Variants in IFNAR2 observed in about 807,000 individuals in gnomAD.
IFNAR2 encodes the protein interferon alpha and beta receptor subunit 2, also known as interferon alpha/beta receptor 2.
Under a neutral mutation model 49.4 loss-of-function variants are expected in IFNAR2, and 30 were observed. The ratio of observed to expected loss-of-function variants is 0.61; its 90% CI spans 0.45 to 0.82. The LOEUF is 0.82. Among genes scored for constraint, IFNAR2 ranks in the 40% least tolerant of loss-of-function variants. The pLI, the probability that IFNAR2 is intolerant of heterozygous loss-of-function variation, is 0.00. For missense variants in IFNAR2, 600 were observed against 622.7 expected, an observed-to-expected ratio of 0.96 and a Z score of 0.39; for synonymous variants, 224 against 234.5, an observed-to-expected ratio of 0.96 and a Z score of 0.41.
In IFNAR2 at chr21:33,263,600, G is replaced by A. The variant is rs1988791422; in HGVS notation, c.*100G>A. 3 of 1,166,992 alleles carry A rather than the reference G, an allele frequency of 2.6e-6. No individual in the cohort carries two copies. Among genetic ancestry groups the A allele is most frequent in the Non-Finnish European group, 3.5e-6 (3 of 845,864 alleles). 72.3% of individuals were successfully genotyped at this position (1,166,992 alleles called of 1,614,324 possible). A position where few individuals can be genotyped will look rare whatever the true frequency, so the allele number is the denominator to read the frequency against. On this transcript the variant is annotated 3_prime_UTR_variant, in exon 9 of 9. Transcript: ENST00000342136. ...CTTATCGTCTGCAAGTGTTCTCCAA[G>A]GGAAGGAGGAGGAAACTGTGGTGTT...
intron 1 of IFNAR2, among the ~76,000 whole-genome samples, chr21:33,235,491 A>G (rs1363998235): frequency 3.9e-5 from 6 of 152,212 alleles, no homozygotes; most frequent in African/African-American, 1.2e-4. Context: ...AGCTCACTAC[A>G]TAATTCACAG....
At chr21:33,231,782 C>T (rs1986082613) in intron 1 of IFNAR2, 2 of 713,460 alleles carry the variant, frequency 2.8e-6, no homozygotes, top group Non-Finnish European at 3.4e-6. Context: ...CGCTCTGTCG[C>T]GCAGGCTGGA....
intron 1 of IFNAR2, chr21:33,231,741 G>T (rs1026801498): frequency 2.1e-6 from 2 of 947,438 alleles, no homozygotes; most frequent in Admixed American, 1.2e-4. Context: ...GTTTGGTTTG[G>T]TTTGGTTTGG....
At chr21:33,233,994 T>C (rs908453273) in intron 1 of IFNAR2, among the ~76,000 whole-genome samples, 1 of 152,074 alleles carries the variant, frequency 6.6e-6, no homozygotes, top group African/African-American at 2.4e-5. Flanking sequence ...ATAGTAAATA[T>C]GGTATAAAAT....
chr21:33,241,241 A>C (rs17860172), intron 1 of IFNAR2, among the ~76,000 whole-genome samples: 6,181 of 152,266 alleles, frequency 0.041, 401 homozygotes, highest in African/African-American at 0.14. Flanking sequence ...TTCTTGCCAG[A>C]ACCCTAACTG....
At chr21:33,244,863 G>T (rs1277242137) in intron 3 of IFNAR2, 88 bp from the exon 4 acceptor site, 9 of 1,320,600 alleles carry the variant, frequency 6.8e-6, no homozygotes, top group Non-Finnish European at 9.7e-6. Flanking sequence ...CAGAGGTGTG[G>T]GTTCTAGATC....
intron 5 of IFNAR2, among the ~76,000 whole-genome samples, chr21:33,247,647 T>C (rs1274001216): frequency 6.6e-6 from 1 of 152,124 alleles, no homozygotes; most frequent in East Asian, 1.9e-4. Context: ...TACCCAAAGC[T>C]CAGAGGAGAA....
At chr21:33,249,050 A>C (rs1391053726) in intron 6 of IFNAR2, among the ~76,000 whole-genome samples, 196 bp downstream of exon 6, 1 of 152,214 alleles carries the variant, frequency 6.6e-6, no homozygotes, top group Non-Finnish European at 1.5e-5. Context: ...GTTCTTTAAA[A>C]GAATAAGCCA....
Position 33,260,649 on chromosome 21 carries a change from A to G in IFNAR2, c.762A>G (p.Ala254=), listed in dbSNP as rs984234596. Residue 254 remains alanine, a synonymous_variant, in exon 8 of 9, where the codon GCA becomes GCG. Coordinates refer to ENST00000342136, the MANE Select transcript of IFNAR2 (RefSeq NM_001289125.3). Reference sequence around the variant, plus strand: ...GAATAATTACTGTGTTTTTGATAGCATTGGTCTTGACAAGCACCATAGTGA... The same window carrying G: ...GAATAATTACTGTGTTTTTGATAGCGTTGGTCTTGACAAGCACCATAGTGA... ...IGGIITVFLI[A]LVLTSTIVTL... 5 of 1,603,150 alleles carry G rather than the reference A, an allele frequency of 3.1e-6. No individual in the cohort carries two copies. The highest frequency in any genetic ancestry group is 1.1e-5 in the South Asian group (1 of 88,126).
chr21:33,254,433 T>C (rs1288332358), intron 7 of IFNAR2, among the ~76,000 whole-genome samples: 5 of 152,224 alleles, frequency 3.3e-5, no homozygotes, highest in African/African-American at 1.2e-4. Context: ...GAAATGGCCC[T>C]GCAAAGCTGT....
intron 6 of IFNAR2, among the ~76,000 whole-genome samples, chr21:33,249,495 G>A (rs915566795): frequency 3.3e-5 from 5 of 152,094 alleles, no homozygotes; most frequent in East Asian, 1.9e-4. Flanking sequence ...TGAGCCACCC[G>A]TGAAAAGCAT....
At chr21:33,231,014 T>TA (rs1197801799) in intron 1 of IFNAR2, among the ~76,000 whole-genome samples, 2 of 152,130 alleles carry the variant, frequency 1.3e-5, no homozygotes, top group African/African-American at 4.8e-5. Context: ...CATTTTTTTT[T>TA]TTATTTCCTT....
intron 1 of IFNAR2, chr21:33,232,969 A>C (rs1264882308): frequency 9.2e-6 from 9 of 981,608 alleles, no homozygotes; most frequent in Non-Finnish European, 2.4e-6. Flanking sequence ...GGATTGCAAG[A>C]CGTCTTACTA....
chr21:33,246,568 C>G, intron 4 of IFNAR2, 150 bp from the exon 5 acceptor site: 1 of 621,068 alleles, frequency 1.6e-6, no homozygotes, highest in African/African-American at 1.8e-5. Flanking sequence ...ATAAGATGTT[C>G]CATTTTCAAT....
chr21:33,242,683 A>G (rs1987032374), intron 2 of IFNAR2, among the ~76,000 whole-genome samples: 1 of 136,182 alleles, frequency 7.3e-6, no homozygotes, highest in South Asian at 2.5e-4. Flanking sequence ...CAGTGAGCCG[A>G]GATCGAGCCG....
intron 3 of IFNAR2, 108 bp from the exon 4 acceptor site, chr21:33,244,843 G>A: frequency 9.9e-7 from 1 of 1,007,706 alleles, no homozygotes; most frequent in East Asian, 2.4e-5. Flanking sequence ...TCTCTGGAGA[G>A]GTTATCTGCC....
rs1374204388 is a variant in IFNAR2, at chr21:33,246,601, T to G, written c.222-117T>G. ...AATAAGATGGTTGGGGAAGATCACT[T>G]AATACAATGATATTTGGGCAGAGCC... On this transcript the variant is annotated intron_variant, in intron 4 of 8. Coordinates refer to ENST00000342136, the MANE Select transcript of IFNAR2 (RefSeq NM_001289125.3). 5.6e-6 allele frequency: 4 copies of G among 712,902 alleles called. No homozygotes were observed. In the African/African-American group the frequency reaches 7.1e-5, roughly 13 times the overall value. 44.2% of individuals were successfully genotyped at this position (712,902 alleles called of 1,614,324 possible).
At chr21:33,239,076 G>T (rs1445511134) in intron 1 of IFNAR2, among the ~76,000 whole-genome samples, 4 of 152,182 alleles carry the variant, frequency 2.6e-5, no homozygotes, top group East Asian at 1.9e-4. Context: ...AGCCCCGCGG[G>T]TGGTCAGTGT....
intron 1 of IFNAR2, among the ~76,000 whole-genome samples, chr21:33,239,857 G>C (rs1174060620): frequency 4.6e-5 from 1 of 21,872 alleles, no homozygotes; most frequent in African/African-American, 2.4e-4. Flanking sequence ...TGAGCTACAG[G>C]TTCTATATTC....
Sources: allele counts gnomAD v4.1 joint callset (sites outside exome capture counted in the v4.1 genomes callset), GRCh38; gene constraint gnomAD v4.1.1; transcripts MANE v1.5; gene names NCBI Gene and HGNC (gene_info 2026-07-23, HGNC 2026-07-21).